The following EPHX3 variants were observed in gnomAD, a reference collection of about 807,000 sequenced individuals.
EPHX3 encodes the protein epoxide hydrolase 3.
Under a neutral mutation model 40.2 loss-of-function variants are expected in EPHX3, and 39 were observed. The observed-to-expected ratio is 0.97, with a 90% CI of 0.75 to 1.27. The LOEUF (loss-of-function observed/expected upper bound fraction) is 1.27, where lower values mean the gene tolerates loss of function less well. Among genes scored for constraint, EPHX3 ranks in the 50% most tolerant of loss-of-function variants. The pLI, the probability that EPHX3 is intolerant of heterozygous loss-of-function variation, is 0.00. For synonymous variants in EPHX3, 213 were observed against 209.7 expected, an observed-to-expected ratio of 1.02 and a Z score of -0.14; for missense variants, 442 against 474.0, an observed-to-expected ratio of 0.93 and a Z score of 0.63.
chr19:15,233,995 G>A (rs1294078304), upstream of EPHX3, among the ~76,000 whole-genome samples: 2 of 151,918 alleles, frequency 1.3e-5, no homozygotes, highest in African/African-American at 4.8e-5. Context: ...AGGAGGCGGA[G>A]GTTGCAGTGA....
Position 15,229,047 on chromosome 19 carries a change from C to G in EPHX3, c.617-947G>C, listed in dbSNP as rs149682806. 5.4e-3 allele frequency among the ~76,000 whole-genome samples: 823 copies of G among 152,176 alleles called. 4 individuals carry two copies. Among genetic ancestry groups the G allele is most frequent in the Non-Finnish European group, 8.2e-3 (559 of 68,006 alleles). On this transcript the variant is annotated intron_variant, in intron 4 of 6. Transcript: ENST00000221730. ...CCCCAAAAGACAAAAAACTCCCTGC[C>G]CTCAGGGAGCTGACAGTCTAGATGG...
Position 15,231,765 on chromosome 19 carries a change from C to T in EPHX3, c.329+11G>A, listed in dbSNP as rs1187539865. On this transcript the variant is annotated intron_variant, in intron 2 of 6. Coordinates refer to ENST00000221730, the MANE Select transcript of EPHX3 (RefSeq NM_024794.3). The stretch of plus-strand genomic sequence containing the variant: ...GTCCCGTGGGCCTCAGGCCCCTGGC[C>T]CCAGACGTACCAGTTCTCAGGGAAG... 3.1e-6 allele frequency: 5 copies of T among 1,613,840 alleles called. No homozygotes were observed. The South Asian group carries it at 5.5e-5, about 18-fold the overall frequency.
chr19:15,235,010 G>GT (rs1026470859), upstream of EPHX3, among the ~76,000 whole-genome samples: 30 of 151,600 alleles, frequency 2.0e-4, no homozygotes, highest in East Asian at 5.8e-4. Context: ...TTTTGTTTTT[G>GT]TTTTTTTTGA....
chr19:15,228,036 G>T lies in EPHX3; in HGVS notation c.681C>A (p.Pro227=), dbSNP rs1219008968. Residue 227 remains proline (P), a synonymous_variant, in exon 5 of 7, where the codon CCC becomes CCA. Coordinates refer to ENST00000221730, the MANE Select transcript of EPHX3 (RefSeq NM_024794.3). The part of the protein sequence containing the change: ...RSHYMFLFQL[P]WLPEKLLSMS... ...TAGACAGCAGCTTCTCGGGCAGCCA[G>T]GGCAGCTGGAACAGGAACATGTAGT... 1 of 1,614,034 alleles carries T rather than the reference G, an allele frequency of 6.2e-7. No homozygotes were observed. The highest frequency in any genetic ancestry group is 2.2e-5 in the East Asian group (1 of 44,868).
intron 4 of EPHX3, among the ~76,000 whole-genome samples, chr19:15,230,093 T>C (rs2047143409): frequency 6.6e-6 from 1 of 151,858 alleles, no homozygotes; most frequent in Admixed American, 6.6e-5. Context: ...TTAAGTAGGT[T>C]ACTGTGTGCA....
upstream of EPHX3, chr19:15,233,561 A>C (rs1599423494): frequency 6.6e-6 from 1 of 152,220 alleles, no homozygotes; most frequent in South Asian, 2.1e-4. Flanking sequence ...CCCGGGAGCC[A>C]ATCTGCAGGT....
At chr19:15,230,825 C>T in intron 4 of EPHX3, 137 bp downstream of exon 4, 1 of 1,210,716 alleles carries the variant, frequency 8.3e-7, no homozygotes, top group Non-Finnish European at 1.1e-6. Flanking sequence ...AGTTCCACAA[C>T]CGAAGGGACC....
At chr19:15,228,711 G>T (rs1340873311) in intron 4 of EPHX3, among the ~76,000 whole-genome samples, 1 of 151,566 alleles carries the variant, frequency 6.6e-6, no homozygotes, top group African/African-American at 2.4e-5. Context: ...AGTAGAGACA[G>T]GGTTTCACAG....
chr19:15,231,850 C>CT lies in EPHX3; in HGVS notation c.254_255insA (p.Arg86AlafsTer11). On this transcript the variant is annotated frameshift_variant, in exon 2 of 7. Transcript: ENST00000221730. LOFTEE classifies it high-confidence loss of function. Reference sequence around the variant, plus strand: ...GTCCAGCCGAGACATAGTGCAGACGCAGGCCCGAGCTCTAGGGGGAGGGCA... The same window carrying CT: ...GTCCAGCCGAGACATAGTGCAGACGCTAGGCCCGAGCTCTAGGGGGAGGGCA... The CT allele has an allele frequency of 6.2e-7, 1 of 1,613,898 alleles. No individual in the cohort carries two copies. Among genetic ancestry groups the CT allele is most frequent in the South Asian group, 1.1e-5 (1 of 91,078 alleles).
rs373655265 is a variant in EPHX3, at chr19:15,228,605, G to A, written c.617-505C>T. On this transcript the variant is annotated intron_variant, in intron 4 of 6. Transcript: ENST00000221730. ...GTGATCTTGGCTCACTGCGAGCTCC[G>A]CCTCCCGGGTTCACGCCATTCTCCT... Among the ~76,000 whole-genome samples the A allele has an allele frequency of 4.3e-3, 551 of 126,830 alleles. 1 individual carries two copies. Among genetic ancestry groups the A allele is most frequent in the Middle Eastern group, 0.029 (5 of 170 alleles). 83.2% of individuals were successfully genotyped at this position (126,830 alleles called of 152,430 possible). A position where few individuals can be genotyped will look rare whatever the true frequency, so the allele number is the denominator to read the frequency against.
At chr19:15,233,803 G>A (rs1172576550), upstream of EPHX3, among the ~76,000 whole-genome samples, 1 of 152,132 alleles carries the variant, frequency 6.6e-6, no homozygotes, top group East Asian at 1.9e-4. Context: ...GGTGGCTCAC[G>A]CCTGTAATCC....
At position 15,231,364 on chromosome 19, in the gene EPHX3, T is replaced by C. The variant is rs1404365074; in HGVS notation, c.362A>G (p.Gln121Arg). The C allele has an allele frequency of 6.2e-7, 1 of 1,613,838 alleles. No individual in the cohort carries two copies. The highest frequency in any genetic ancestry group is 1.1e-5 in the South Asian group (1 of 91,082). The change falls in exon 3 of 7, where the codon CAG (glutamine) becomes CGG (arginine). Residue 121 changes from glutamine (Q) to arginine (R), a missense_variant. Transcript: ENST00000221730. The part of the protein sequence containing the change: ...FSWRYQLREF[Q>R]SRFHVVAVDL... ...CACAGCCACAACATGGAAGCGGCTCTGGAACTCCCGGAGCTGGTAACGCCA... is the reference window on the plus strand; with the variant it reads ...CACAGCCACAACATGGAAGCGGCTCCGGAACTCCCGGAGCTGGTAACGCCA...
In EPHX3 at chr19:15,227,580, G is replaced by C. The variant is rs2047121514; in HGVS notation, c.940C>G (p.Leu314Val). ...GEKDTYLELG[L>V]VEAIGSRFVP... Reference sequence around the variant, plus strand: ...AAGCGGCTGCCGATGGCTTCCACCAGCCCCAGCTCCAAGTAAGTGTCCTTC... The same window carrying C: ...AAGCGGCTGCCGATGGCTTCCACCACCCCCAGCTCCAAGTAAGTGTCCTTC... The change falls in exon 7 of 7, where the codon CTG becomes GTG. Residue 314 changes from leucine to valine, a missense_variant. Leu to Val is a conservative substitution (Grantham distance 32). Coordinates refer to ENST00000221730, the MANE Select transcript of EPHX3 (RefSeq NM_024794.3). The C allele has an allele frequency of 6.2e-7, 1 of 1,614,094 alleles. No homozygotes were observed. The highest frequency in any genetic ancestry group is 8.5e-7 in the Non-Finnish European group (1 of 1,180,042).
rs979773406 is a variant in EPHX3, at chr19:15,232,142, T to A, written c.70A>T (p.Met24Leu). ...RLSLKLLRAF[M>L]WSLVFSVALV... ...GCCACCGAGAACACCAGGCTCCACA[T>A]GAAGGCGCGCAGCAGCTTCAGCGAC... Residue 24 changes from methionine (M) to leucine (L), a missense_variant, in exon 1 of 7, where the codon ATG becomes TTG. Coordinates refer to ENST00000221730, the MANE Select transcript of EPHX3 (RefSeq NM_024794.3). The A allele has an allele frequency of 5.5e-5, 85 of 1,535,110 alleles. No homozygotes were observed. The highest frequency in any genetic ancestry group is 7.2e-5 in the Non-Finnish European group (83 of 1,148,346).
rs769481496 is a variant in EPHX3, at chr19:15,231,989, G to A, written c.223C>T (p.His75Tyr). The A allele has an allele frequency of 6.2e-7, 1 of 1,609,966 alleles. No homozygotes were observed. Among genetic ancestry groups the A allele is most frequent in the South Asian group, 1.1e-5 (1 of 91,030 alleles). The change falls in exon 1 of 7, where the codon CAC becomes TAC. Residue 75 changes from histidine (H) to tyrosine (Y), a missense_variant. Coordinates refer to ENST00000221730, the MANE Select transcript of EPHX3 (RefSeq NM_024794.3). ...ATCACCTTGAGGTTCAGGAAACCGT[G>A]CTCACCCAGCGAGGGGTCGCTCAGG... is the stretch of plus-strand genomic sequence containing the variant. ...ACLSDPSLGE[H>Y]GFLNLKSSGL...
chr19:15,232,325 C>A lies in EPHX3; in HGVS notation c.-114G>T, dbSNP rs1392563410. Reference sequence around the variant, plus strand: ...CCCTTGGCCTGGGGCCCCTCCGTGCCGTCGGGATTTGTGGGACGCGCTGAA... The same window carrying A: ...CCCTTGGCCTGGGGCCCCTCCGTGCAGTCGGGATTTGTGGGACGCGCTGAA... On this transcript the variant is annotated 5_prime_UTR_variant, in exon 1 of 7. Transcript: ENST00000221730. 3 of 1,378,208 alleles carry A rather than the reference C, an allele frequency of 2.2e-6. No homozygotes were observed. The highest frequency in any genetic ancestry group is 3.8e-5 in the Admixed American group (1 of 26,460). The allele number at this position is 1,378,208 out of a possible 1,614,324, so 85.4% of individuals were successfully genotyped here.
upstream of EPHX3, among the ~76,000 whole-genome samples, chr19:15,233,949 A>C (rs1463406719): frequency 6.6e-6 from 1 of 152,072 alleles, no homozygotes; most frequent in African/African-American, 2.4e-5. Flanking sequence ...AGTCCCAGCT[A>C]CTAGGGAGGC....
chr19:15,232,457 G>A (rs2047163039), upstream of EPHX3: 1 of 1,331,000 alleles, frequency 7.5e-7, no homozygotes, highest in African/African-American at 1.6e-5. Flanking sequence ...GTAGGGTGCG[G>A]AGGCTGGGGA....
upstream of EPHX3, chr19:15,236,451 T>G (rs1190794603): frequency 1.4e-5 from 2 of 145,634 alleles, no homozygotes; most frequent in East Asian, 2.1e-4. Flanking sequence ...AAAGGAGGAG[T>G]TAGGTTGAGG....
Sources: allele counts gnomAD v4.1 joint callset (sites outside exome capture counted in the v4.1 genomes callset), GRCh38; gene constraint gnomAD v4.1.1; transcripts MANE v1.5; gene names NCBI Gene and HGNC (gene_info 2026-07-23, HGNC 2026-07-21).